ZNF600: variants seen among roughly 807,000 people sequenced by gnomAD.
The protein encoded by ZNF600 is zinc finger protein KR-ZNF1.
Under a neutral mutation model 7.3 loss-of-function variants are expected in ZNF600, and 4 were observed. That is an observed-to-expected ratio of 0.55 (90% CI 0.27 to 1.25). The LOEUF is 1.25. Ranked by LOEUF, ZNF600 falls within the 50% of genes most tolerant of loss-of-function variation. The pLI is 0.12. For missense variants in ZNF600, 911 were observed against 922.1 expected, an observed-to-expected ratio of 0.99 and a Z score of 0.16; for synonymous variants, 290 against 308.9, an observed-to-expected ratio of 0.94 and a Z score of 0.64.
At chr19:52,800,218 T>C in the ZNF600 span, 6 of 1,613,628 alleles carry the variant, frequency 3.7e-6, no homozygotes, top group East Asian at 1.3e-4. Context: ...GTATGAAGTT[T>C]ATGATGACAT....
chr19:52,808,105 A>G, the ZNF600 span: 1 of 1,613,376 alleles, frequency 6.2e-7, no homozygotes, highest in Non-Finnish European at 8.5e-7. Flanking sequence ...AGAGAATTCT[A>G]TGGCCACGTC....
At chr19:52,765,515 T>C in exon 4 of ZNF600, 1 of 1,605,016 alleles carries the variant, frequency 6.2e-7, no homozygotes, top group East Asian at 2.2e-5. Context: ...TGTTAGATCT[T>C]TATTCATTAT....
chr19:52,830,028 CT>C, the ZNF600 span, among the ~76,000 whole-genome samples: 153 of 152,246 alleles, frequency 1.0e-3, 2 homozygotes, highest in African/African-American at 3.7e-3. Flanking sequence ...AATCCCAACA[CT>C]TTGGAAGACC....
In ZNF600 at chr19:52,767,309, G is replaced by C. The variant is rs140475744; in HGVS notation, c.654C>G (p.Leu218=). ...TCATGTATACTTCCTGTTTTTGTGGGAGTAGTGAAGAATTCGGGGAATTAT... is the reference window on the plus strand; with the variant it reads ...TCATGTATACTTCCTGTTTTTGTGGCAGTAGTGAAGAATTCGGGGAATTAT... Residue 218 remains leucine, a synonymous_variant, in exon 4 of 4, where the codon CTC becomes CTG. Coordinates refer to ENST00000648973, the Ensembl canonical transcript of ZNF600. The C allele has an allele frequency of 3.0e-3, 4,817 of 1,614,116 alleles. 16 individuals are homozygous for C. Among genetic ancestry groups the C allele is most frequent in the South Asian group, 4.7e-3 (425 of 91,072 alleles).
At chr19:52,787,522 T>C (rs966986457), upstream of ZNF600, among the ~76,000 whole-genome samples, 20 of 146,112 alleles carry the variant, frequency 1.4e-4, no homozygotes, top group South Asian at 8.8e-4. Context: ...TTCTCCTGCC[T>C]CAGCCTTTCG....
chr19:52,828,495 T>C, the ZNF600 span, among the ~76,000 whole-genome samples: 1 of 152,032 alleles, frequency 6.6e-6, no homozygotes, highest in Non-Finnish European at 1.5e-5. Flanking sequence ...TGACTAACAG[T>C]GTCAGAGGGC....
the ZNF600 span, among the ~76,000 whole-genome samples, chr19:52,816,250 G>A: frequency 2.0e-5 from 3 of 147,010 alleles, 1 homozygote; most frequent in Non-Finnish European, 4.4e-5. Flanking sequence ...TGGGCATGGT[G>A]GCTTGCACCT....
chr19:52,795,680 C>A, the ZNF600 span, among the ~76,000 whole-genome samples: 1 of 152,118 alleles, frequency 6.6e-6, no homozygotes, highest in Admixed American at 6.5e-5. Flanking sequence ...GATTCTCCTG[C>A]CTCAGCCTCC....
chr19:52,825,793 C>T, the ZNF600 span, among the ~76,000 whole-genome samples: 1 of 152,078 alleles, frequency 6.6e-6, no homozygotes, highest in Non-Finnish European at 1.5e-5. Context: ...CCAGACCACC[C>T]TGGCCAACAT....
chr19:52,767,280 T>G (rs561230859), exon 4 of ZNF600: 1 of 1,614,218 alleles, frequency 6.2e-7, no homozygotes, highest in South Asian at 1.1e-5. Context: ...GAAAGATTTT[T>G]CTCTCATGTA....
chr19:52,774,588 G>T (rs1218602798), exon 3 of ZNF600: 4 of 985,060 alleles, frequency 4.1e-6, no homozygotes, highest in East Asian at 1.1e-4. Flanking sequence ...CAGCTTCCAG[G>T]TTCCTGTAGT....
At chr19:52,801,512 T>G in the ZNF600 span, 1 of 1,614,142 alleles carries the variant, frequency 6.2e-7, no homozygotes, top group Non-Finnish European at 8.5e-7. Context: ...CTGTCATGGG[T>G]GCTGCATGGT....
the ZNF600 span, chr19:52,809,883 T>C: frequency 1.3e-6 from 1 of 752,344 alleles, no homozygotes; most frequent in South Asian, 1.5e-5. Context: ...CGGTCCGGGA[T>C]CCAGGCCGGG....
chr19:52,789,467 G>A (rs1279072742), upstream of ZNF600, among the ~76,000 whole-genome samples: 1 of 152,190 alleles, frequency 6.6e-6, no homozygotes, highest in Non-Finnish European at 1.5e-5. Context: ...CTTTGTCTCT[G>A]TGTCTCTTTC....
chr19:52,822,116 T>A, the ZNF600 span, among the ~76,000 whole-genome samples: 16,070 of 136,624 alleles, frequency 0.12, 1,138 homozygotes, highest in South Asian at 0.21. Flanking sequence ...TCTGTCGCCC[T>A]GGCTGGAGTG....
chr19:52,814,878 C>T, the ZNF600 span, among the ~76,000 whole-genome samples: 3 of 146,312 alleles, frequency 2.1e-5, 1 homozygote, highest in African/African-American at 8.0e-5. Context: ...CAGAGCCAGA[C>T]CTTGTCTCAA....
intron 3 of ZNF600, among the ~76,000 whole-genome samples, chr19:52,772,730 A>G (rs1395019962): frequency 1.3e-5 from 2 of 152,192 alleles, no homozygotes; most frequent in African/African-American, 4.8e-5. Context: ...TAAGTGAGGG[A>G]CAAGACTTGA....
At chr19:52,813,322 C>T in the ZNF600 span, among the ~76,000 whole-genome samples, 1 of 143,944 alleles carries the variant, frequency 6.9e-6, no homozygotes, top group Non-Finnish European at 1.5e-5. Flanking sequence ...GAGGAGGGAC[C>T]TGTTTTGGGG....
At chr19:52,811,154 G>C in the ZNF600 span, among the ~76,000 whole-genome samples, 3 of 149,850 alleles carry the variant, frequency 2.0e-5, 1 homozygote, top group African/African-American at 7.3e-5. Flanking sequence ...TCGGCCTCCC[G>C]AGGTGCCGGG....
Sources: allele counts gnomAD v4.1 joint callset (sites outside exome capture counted in the v4.1 genomes callset), GRCh38; gene constraint gnomAD v4.1.1; transcripts MANE v1.5; gene names NCBI Gene and HGNC (gene_info 2026-07-23, HGNC 2026-07-21).